GPC5: variants seen among roughly 807,000 people sequenced by gnomAD.
The protein encoded by GPC5 is glypican-5.
A neutral mutation model predicts 53.9 loss-of-function variants in GPC5; 47 were observed. The ratio of observed to expected loss-of-function variants is 0.87; its 90% CI spans 0.69 to 1.11. The LOEUF (loss-of-function observed/expected upper bound fraction) is 1.11. Among genes scored for constraint, GPC5 ranks in the 50% most tolerant of loss-of-function variants. The pLI is 0.00. For missense variants in GPC5, 748 were observed against 713.1 expected, an observed-to-expected ratio of 1.05 and a Z score of -0.56; for synonymous variants, 286 against 263.3, an observed-to-expected ratio of 1.09 and a Z score of -0.84.
chr13:92,362,709 T>C (rs1276642466), intron 7 of GPC5, among the ~76,000 whole-genome samples: 1 of 151,800 alleles, frequency 6.6e-6, no homozygotes, highest in Non-Finnish European at 1.5e-5. Flanking sequence ...TCTTAGAAGG[T>C]CTTGAAAACA....
intron 2 of GPC5, among the ~76,000 whole-genome samples, chr13:91,546,506 T>A (rs1187374345): frequency 1.3e-5 from 2 of 152,130 alleles, no homozygotes; most frequent in African/African-American, 4.8e-5. Context: ...TTTAGCCATG[T>A]GATTTTTAAT....
intron 6 of GPC5, among the ~76,000 whole-genome samples, chr13:92,033,456 G>A (rs2040869592): frequency 6.6e-6 from 1 of 152,130 alleles, no homozygotes. Context: ...ACCGTCTTCT[G>A]TGTCCAACTA....
At chr13:92,632,462 A>AT (rs1885272242) in intron 7 of GPC5, among the ~76,000 whole-genome samples, 1 of 34,924 alleles carries the variant, frequency 2.9e-5, no homozygotes, top group African/African-American at 1.1e-4. Flanking sequence ...AAAATATTCC[A>AT]CATATATATA....
chr13:91,743,009 T>G (rs1343237141), intron 4 of GPC5, among the ~76,000 whole-genome samples: 3 of 152,190 alleles, frequency 2.0e-5, no homozygotes, highest in Non-Finnish European at 4.4e-5. Context: ...AGCTAGAAGC[T>G]TTTAGTAATG....
chr13:92,508,601 T>C (rs1880459783), intron 7 of GPC5, among the ~76,000 whole-genome samples: 1 of 152,126 alleles, frequency 6.6e-6, no homozygotes, highest in Non-Finnish European at 1.5e-5. Context: ...ATAGAGAAGC[T>C]GCTATTGGCT....
chr13:92,750,724 C>T (rs1179843379), intron 7 of GPC5, among the ~76,000 whole-genome samples: 1 of 152,136 alleles, frequency 6.6e-6, no homozygotes, highest in Non-Finnish European at 1.5e-5. Context: ...AGGGTTAATT[C>T]TTAAATTCAG....
intron 6 of GPC5, among the ~76,000 whole-genome samples, chr13:91,996,826 C>A (rs915306943): frequency 6.6e-6 from 1 of 152,072 alleles, no homozygotes; most frequent in African/African-American, 2.4e-5. Flanking sequence ...CATTATGTTT[C>A]ATTGAGTATT....
At chr13:91,839,650 G>A (rs1333338211) in intron 5 of GPC5, among the ~76,000 whole-genome samples, 3 of 152,116 alleles carry the variant, frequency 2.0e-5, no homozygotes, top group African/African-American at 4.8e-5. Flanking sequence ...AATGCTTTGG[G>A]AGGACAATCC....
intron 2 of GPC5, among the ~76,000 whole-genome samples, chr13:91,648,359 T>G (rs533188199): frequency 8.4e-5 from 11 of 131,720 alleles, no homozygotes; most frequent in Admixed American, 7.0e-4. Context: ...TTAAGACAGG[T>G]TTTTTTTTTC....
At chr13:91,965,414 A>T (rs1056850881) in intron 6 of GPC5, among the ~76,000 whole-genome samples, 1 of 152,134 alleles carries the variant, frequency 6.6e-6, no homozygotes, top group African/African-American at 2.4e-5. Flanking sequence ...CTGTACCATG[A>T]TATCAATCAA....
intron 7 of GPC5, among the ~76,000 whole-genome samples, chr13:92,633,777 T>A (rs1409827500): frequency 6.6e-6 from 1 of 152,138 alleles, no homozygotes; most frequent in African/African-American, 2.4e-5. Flanking sequence ...CTAATGGCTT[T>A]AATAGGAGAC....
intron 7 of GPC5, among the ~76,000 whole-genome samples, chr13:92,764,843 A>G (rs1429605928): frequency 6.6e-6 from 1 of 152,042 alleles, no homozygotes; most frequent in Non-Finnish European, 1.5e-5. Flanking sequence ...CAAATTGTCT[A>G]ATTTTATGGG....
At chr13:91,692,025 T>G (rs2035768231) in intron 2 of GPC5, among the ~76,000 whole-genome samples, 1 of 152,204 alleles carries the variant, frequency 6.6e-6, no homozygotes, top group Admixed American at 6.5e-5. Flanking sequence ...TACTGTTGCT[T>G]AATGCCTCAT....
chr13:91,570,992 T>C (rs187590630), intron 2 of GPC5, among the ~76,000 whole-genome samples: 2 of 152,290 alleles, frequency 1.3e-5, no homozygotes, highest in East Asian at 1.9e-4. Context: ...TTTTTTGTTT[T>C]CCTGGTTGAT....
intron 6 of GPC5, among the ~76,000 whole-genome samples, chr13:91,925,239 A>C (rs192246742): frequency 6.6e-6 from 1 of 152,312 alleles, no homozygotes; most frequent in African/African-American, 2.4e-5. Context: ...GAAAAATATT[A>C]AATATATATT....
intron 7 of GPC5, among the ~76,000 whole-genome samples, chr13:92,838,621 A>G (rs559657018): frequency 2.0e-5 from 3 of 152,310 alleles, no homozygotes; most frequent in African/African-American, 7.2e-5. Flanking sequence ...GATGACCAAA[A>G]TCCAAGATCT....
At chr13:91,440,048 T>C (rs1880304382) in intron 1 of GPC5, among the ~76,000 whole-genome samples, 1 of 152,202 alleles carries the variant, frequency 6.6e-6, no homozygotes, top group South Asian at 2.1e-4. Context: ...AATTTGACTA[T>C]AGTGTTCTTA....
At chr13:92,209,073 G>C (rs767473766) in intron 7 of GPC5, among the ~76,000 whole-genome samples, 1 of 152,162 alleles carries the variant, frequency 6.6e-6, no homozygotes, top group Non-Finnish European at 1.5e-5. Context: ...ACATAGCAGA[G>C]AAACTACAAA....
At chr13:92,467,448 A>G (rs1878741258) in intron 7 of GPC5, among the ~76,000 whole-genome samples, 1 of 152,146 alleles carries the variant, frequency 6.6e-6, no homozygotes, top group Non-Finnish European at 1.5e-5. Flanking sequence ...ATTCCTAAAC[A>G]CAAGATTAAA....
Sources: allele counts gnomAD v4.1 joint callset (sites outside exome capture counted in the v4.1 genomes callset), GRCh38; gene constraint gnomAD v4.1.1; transcripts MANE v1.5; gene names NCBI Gene and HGNC (gene_info 2026-07-23, HGNC 2026-07-21).